The following SPRYD7 variants were observed in gnomAD, a reference collection of about 807,000 sequenced individuals.
SPRYD7 encodes SPRY domain-containing protein 7.
Under a neutral mutation model 23.8 loss-of-function variants are expected in SPRYD7, and 14 were observed. The observed-to-expected ratio is 0.59, with a 90% confidence interval of 0.39 to 0.92. The LOEUF (loss-of-function observed/expected upper bound fraction) is 0.92. Ranked by LOEUF, SPRYD7 falls within the 40% of genes least tolerant of loss-of-function variation. The probability of loss-of-function intolerance (pLI) is 0.00; values close to 1 mark genes in which losing one functional copy is unlikely to be tolerated. For missense variants in SPRYD7, 194 were observed against 241.7 expected (o/e 0.80, Z 1.31); for synonymous variants, 75 against 84.9 (o/e 0.88, Z 0.64).
Position 49,915,142 on chromosome 13 carries a change from A to C in SPRYD7, c.512T>G (p.Leu171Trp). The change falls in exon 5 of 5, where the codon TTG becomes TGG. Residue 171 changes from leucine to tryptophan, a missense_variant. Physicochemically the swap from Leu to Trp is moderately conservative, Grantham distance 61. Coordinates refer to ENST00000361840, the MANE Select transcript of SPRYD7 (RefSeq NM_020456.4). ...PVVYVDDSAI[L>W]DCQFSEFYHT... ...ATAAAACTCACTGAACTGGCAATCC[A>C]AAATTGCACTGTCATCAACTAAAGG... 2 of 1,569,686 alleles carry C rather than the reference A, an allele frequency of 1.3e-6. No homozygotes were observed. The highest frequency in any genetic ancestry group is 1.7e-6 in the Non-Finnish European group (2 of 1,154,428).
intron 2 of SPRYD7, among the ~76,000 whole-genome samples, chr13:49,930,760 A>C (rs1955938931): frequency 6.6e-6 from 1 of 152,162 alleles, no homozygotes; most frequent in Non-Finnish European, 1.5e-5. Flanking sequence ...TCTTGTCTTA[A>C]AACACTTTCA....
chr13:49,920,852 T>G (rs1955810226), intron 4 of SPRYD7, among the ~76,000 whole-genome samples: 1 of 151,994 alleles, frequency 6.6e-6, no homozygotes, highest in South Asian at 2.1e-4. Flanking sequence ...TCCCAGTTAC[T>G]CGGGAGGCTG....
intron 4 of SPRYD7, among the ~76,000 whole-genome samples, chr13:49,918,220 A>G (rs1019976958): frequency 9.9e-5 from 15 of 151,718 alleles, no homozygotes; most frequent in African/African-American, 3.4e-4. Flanking sequence ...GTACAACCAC[A>G]CCTGGATAAT....
intron 3 of SPRYD7, 28 bp downstream of exon 3, chr13:49,927,891 T>G: frequency 1.3e-5 from 21 of 1,612,062 alleles, no homozygotes; most frequent in Non-Finnish European, 1.8e-5. Flanking sequence ...TCATTTACAG[T>G]GGAAAGCAAC....
chr13:49,936,111 GGGAA>G lies in SPRYD7; in HGVS notation c.106+15_106+18del, dbSNP rs746628779. On this transcript the variant is annotated intron_variant, in intron 1 of 4. Transcript: ENST00000361840. ...CGGCCCCCGTGAGCCGTTGGGTCTG[GGGAA>G]GGGAGGGCCCTTACCCATGTGCTGC... The G allele has an allele frequency of 3.2e-6, 5 of 1,564,210 alleles. No homozygotes were observed. In the Admixed American group the frequency reaches 9.3e-5, roughly 29 times the overall value.
chr13:49,925,403 G>T (rs1432776784), intron 3 of SPRYD7, among the ~76,000 whole-genome samples: 1 of 151,728 alleles, frequency 6.6e-6, no homozygotes, highest in Non-Finnish European at 1.5e-5. Flanking sequence ...ATAAATAAAT[G>T]CTTAGAAGTG....
intron 2 of SPRYD7, among the ~76,000 whole-genome samples, chr13:49,929,962 GT>G (rs1955928953): frequency 6.6e-6 from 1 of 151,746 alleles, no homozygotes; most frequent in Non-Finnish European, 1.5e-5. Context: ...GATGATTTTT[GT>G]ATCTTTAGTA....
At chr13:49,935,426 A>G (rs1871580307) in intron 1 of SPRYD7, among the ~76,000 whole-genome samples, 1 of 152,248 alleles carries the variant, frequency 6.6e-6, no homozygotes, top group Non-Finnish European at 1.5e-5. Flanking sequence ...ATGGGAGAGG[A>G]AGAATGTTAG....
intron 1 of SPRYD7, among the ~76,000 whole-genome samples, chr13:49,933,447 C>T (rs981551691): frequency 2.0e-5 from 3 of 151,648 alleles, no homozygotes; most frequent in African/African-American, 7.3e-5. Flanking sequence ...ACTAAAAATA[C>T]AAAAATTAGC....
Position 49,919,102 on chromosome 13 carries a change from T to C in SPRYD7, c.493+2376A>G, listed in dbSNP as rs1304569781. On this transcript the variant is annotated intron_variant, in intron 4 of 4. Coordinates refer to ENST00000361840, the MANE Select transcript of SPRYD7 (RefSeq NM_020456.4). ...CAAAACCAAAGGCAGAAAAATCATA[T>C]ACCTGTTTACTTAAAGTTGATAATA... Among the ~76,000 whole-genome samples the C allele has an allele frequency of 4.6e-5, 7 of 152,094 alleles. No homozygotes were observed. The South Asian group carries it at 1.2e-3, about 27-fold the overall frequency.
At chr13:49,927,892 G>A (rs1955899953) in intron 3 of SPRYD7, 27 bp downstream of exon 3, 1 of 1,611,976 alleles carries the variant, frequency 6.2e-7, no homozygotes, top group Non-Finnish European at 8.5e-7. Flanking sequence ...CATTTACAGT[G>A]GAAAGCAACT....
chr13:49,922,114 C>G (rs1210856245), intron 3 of SPRYD7, among the ~76,000 whole-genome samples: 1 of 151,650 alleles, frequency 6.6e-6, no homozygotes, highest in African/African-American at 2.4e-5. Flanking sequence ...AGTGTATTAT[C>G]AAGGAAAAGC....
At position 49,930,907 on chromosome 13, in the gene SPRYD7, TAA is replaced by T. The variant is rs563250793; in HGVS notation, c.223+109_223+110del. The stretch of plus-strand genomic sequence containing the variant: ...CAAGAGGTGGAAGACCCAGATCTTC[TAA>T]GAGTTTGGTGCTTTTATATTACCTT... On this transcript the variant is annotated intron_variant, in intron 2 of 4. Transcript: ENST00000361840. 280 of 620,054 alleles carry T rather than the reference TAA, an allele frequency of 4.5e-4. 2 individuals carry two copies. The highest frequency in any genetic ancestry group is 4.5e-3 in the African/African-American group (236 of 52,276). 38.4% of individuals were successfully genotyped at this position (620,054 alleles called of 1,614,324 possible).
chr13:49,931,124 A>G lies in SPRYD7; in HGVS notation c.117T>C (p.Val39=), dbSNP rs765104905. The G allele has an allele frequency of 2.5e-6, 4 of 1,605,920 alleles. No homozygotes were observed. The highest frequency in any genetic ancestry group is 3.4e-6 in the Non-Finnish European group (4 of 1,174,042). The change falls in exon 2 of 5, where the codon GTT becomes GTC. Residue 39 remains valine (V), a synonymous_variant. Transcript: ENST00000361840. ...QLDTQHMGTD[V]VIVKNGRRIC... is the part of the protein sequence containing the mutation. ...TTCTTCTTCCATTCTTTACAATAAC[A>G]ACATCTGTTCCTAAACAAAAAATGC...
intron 2 of SPRYD7, among the ~76,000 whole-genome samples, chr13:49,930,096 C>G (rs962910460): frequency 6.6e-6 from 1 of 152,062 alleles, no homozygotes; most frequent in Non-Finnish European, 1.5e-5. Context: ...GATCACTTTA[C>G]AGTAAAGCTT....
intron 4 of SPRYD7, among the ~76,000 whole-genome samples, chr13:49,919,795 G>GTTATGTT (rs1955797403): frequency 6.7e-6 from 1 of 149,138 alleles, no homozygotes; most frequent in East Asian, 1.9e-4. Flanking sequence ...AGACATTGTG[G>GTTATGTT]TTATGTTTTT....
chr13:49,917,649 AG>A (rs1185335005), intron 4 of SPRYD7, among the ~76,000 whole-genome samples: 1 of 152,236 alleles, frequency 6.6e-6, no homozygotes, highest in African/African-American at 2.4e-5. Context: ...CTATAACCTT[AG>A]TACATTACAA....
At chr13:49,924,901 G>A (rs924350934) in intron 3 of SPRYD7, among the ~76,000 whole-genome samples, 4 of 150,734 alleles carry the variant, frequency 2.7e-5, no homozygotes, top group Admixed American at 6.6e-5. Flanking sequence ...GCTTGAACCC[G>A]GGAGGTGAAG....
chr13:49,916,398 T>G (rs1955751594), intron 4 of SPRYD7, among the ~76,000 whole-genome samples: 2 of 152,116 alleles, frequency 1.3e-5, no homozygotes, highest in Admixed American at 1.3e-4. Context: ...TTGACATTCA[T>G]GAAGTCACCA....
Sources: allele counts gnomAD v4.1 joint callset (sites outside exome capture counted in the v4.1 genomes callset), GRCh38; gene constraint gnomAD v4.1.1; transcripts MANE v1.5; gene names NCBI Gene and HGNC (gene_info 2026-07-23, HGNC 2026-07-21).